Variants in FOXP1 observed in about 807,000 individuals in gnomAD.
The protein encoded by FOXP1 is forkhead box protein P1.
Under a neutral mutation model 98.2 loss-of-function variants are expected in FOXP1, and 15 were observed. The observed-to-expected ratio is 0.15, with a 90% CI of 0.10 to 0.24. The LOEUF is 0.24. FOXP1 is among the 10% of genes least tolerant of loss of function. The pLI, the probability that FOXP1 is intolerant of heterozygous loss-of-function variation, is 1.00. For synonymous variants in FOXP1, 371 were observed against 314.5 expected (o/e 1.18, Z -1.90); for missense variants, 633 against 848.5 (o/e 0.75, Z 3.15).
chr3:71,074,479 G>T (rs1478481331), intron 7 of FOXP1, among the ~76,000 whole-genome samples: 1 of 152,120 alleles, frequency 6.6e-6, no homozygotes, highest in Non-Finnish European at 1.5e-5. Flanking sequence ...CACCCACATA[G>T]GCCTTCCAAA....
intron 7 of FOXP1, among the ~76,000 whole-genome samples, chr3:71,057,405 T>C (rs2050828643): frequency 6.9e-6 from 1 of 145,244 alleles, no homozygotes; most frequent in African/African-American, 2.5e-5. Context: ...ACAGGGTTCA[T>C]GCCTTAACTG....
At chr3:71,349,260 C>G (rs1249438319) in intron 4 of FOXP1, among the ~76,000 whole-genome samples, 4 of 152,154 alleles carry the variant, frequency 2.6e-5, no homozygotes, top group Non-Finnish European at 4.4e-5. Flanking sequence ...AAAAAAATAA[C>G]TTAGCAGGAG....
chr3:70,985,687 T>C (rs2107464163), intron 14 of FOXP1, among the ~76,000 whole-genome samples: 1 of 152,212 alleles, frequency 6.6e-6, no homozygotes, highest in South Asian at 2.1e-4. Flanking sequence ...ACAAATGTGA[T>C]CTTTTTTTTT....
intron 3 of FOXP1, among the ~76,000 whole-genome samples, chr3:71,487,087 C>A (rs1465128927): frequency 1.3e-5 from 2 of 151,972 alleles, no homozygotes; most frequent in Non-Finnish European, 2.9e-5. Flanking sequence ...TATGTTAGAG[C>A]CTCAGTTGAT....
At chr3:71,126,512 AAT>A (rs1017927958) in intron 6 of FOXP1, among the ~76,000 whole-genome samples, 1 of 150,890 alleles carries the variant, frequency 6.6e-6, no homozygotes, top group Non-Finnish European at 1.5e-5. Flanking sequence ...AATAAATAAA[AAT>A]AAAAAGAAAA....
chr3:71,252,585 C>G (rs982766893), intron 5 of FOXP1, among the ~76,000 whole-genome samples: 1 of 152,178 alleles, frequency 6.6e-6, no homozygotes, highest in Non-Finnish European at 1.5e-5. Context: ...ATGCCTCAGG[C>G]CCCCTGAGTG....
In FOXP1 at chr3:71,583,626, C is replaced by A. The variant is rs1223992798; in HGVS notation, c.-502G>T. On this transcript the variant is annotated 5_prime_UTR_variant, in exon 1 of 21. Coordinates refer to ENST00000649528, the MANE Select transcript of FOXP1 (RefSeq NM_001349338.3). ...AGGTGTTTTCGGGCCTTTCCCCGCG[C>A]GCGCCCACTCCCGCCCGCGCGCGCA... is the stretch of plus-strand genomic sequence containing the variant. 7 of 984,206 alleles carry A rather than the reference C, an allele frequency of 7.1e-6. No homozygotes were observed. In the African/African-American group the frequency reaches 1.1e-4, roughly 15 times the overall value. 61.0% of individuals were successfully genotyped at this position (984,206 alleles called of 1,614,324 possible).
At chr3:71,043,631 T>C (rs926156483) in intron 10 of FOXP1, among the ~76,000 whole-genome samples, 6 of 152,208 alleles carry the variant, frequency 3.9e-5, no homozygotes, top group African/African-American at 1.2e-4. Flanking sequence ...TTTTATTTTC[T>C]AGAGAGTAAA....
chr3:71,169,695 G>A (rs1266448629), intron 6 of FOXP1, among the ~76,000 whole-genome samples: 1 of 150,712 alleles, frequency 6.6e-6, no homozygotes, highest in Admixed American at 6.6e-5. Flanking sequence ...TATAAAACAG[G>A]GTCTAAAATG....
At chr3:71,062,860 G>A (rs1259730027) in intron 7 of FOXP1, among the ~76,000 whole-genome samples, 1 of 152,018 alleles carries the variant, frequency 6.6e-6, no homozygotes, top group Non-Finnish European at 1.5e-5. Context: ...CTTAGACGCT[G>A]GTATTGACCC....
rs2048289708 is a variant in FOXP1, at chr3:71,041,196, T to G, written c.869+132A>C. ...TCACACCCAAACCATACTGAATACA[T>G]TCCTCAGTAATTATATGCACATTCA... On this transcript the variant is annotated intron_variant, in intron 11 of 20. Transcript: ENST00000649528. 3.9e-6 allele frequency: 3 copies of G among 767,610 alleles called. No homozygotes were observed. In the Admixed American group the frequency reaches 5.8e-5, roughly 15 times the overall value. The allele number at this position is 767,610 out of a possible 1,614,324, so 47.5% of individuals were successfully genotyped here. A position where few individuals can be genotyped will look rare whatever the true frequency, so the allele number is the denominator to read the frequency against.
chr3:71,126,156 T>C (rs1275129015), intron 6 of FOXP1, among the ~76,000 whole-genome samples: 1 of 152,202 alleles, frequency 6.6e-6, no homozygotes, highest in Non-Finnish European at 1.5e-5. Flanking sequence ...TCACCTGCAA[T>C]GACACATTGT....
At chr3:71,148,699 T>C (rs1185691674) in intron 6 of FOXP1, among the ~76,000 whole-genome samples, 2 of 152,238 alleles carry the variant, frequency 1.3e-5, no homozygotes, top group African/African-American at 2.4e-5. Context: ...AGAACTGTCC[T>C]TAATTTATGA....
At chr3:71,046,126 CTTCCT>C (rs1285988506) in intron 10 of FOXP1, among the ~76,000 whole-genome samples, 6 of 152,124 alleles carry the variant, frequency 3.9e-5, no homozygotes, top group Non-Finnish European at 8.8e-5. Flanking sequence ...TCCCTCCCAC[CTTCCT>C]TTCTAGTTCT....
At chr3:71,052,702 CTG>C (rs1041159096) in intron 8 of FOXP1, 76 bp from the exon 9 acceptor site, 1 of 835,742 alleles carries the variant, frequency 1.2e-6, no homozygotes, top group African/African-American at 1.7e-5. Context: ...CATACACAAA[CTG>C]TGATTTGAAA....
intron 4 of FOXP1, among the ~76,000 whole-genome samples, chr3:71,306,779 C>T (rs1164704037): frequency 6.6e-6 from 1 of 151,640 alleles, no homozygotes; most frequent in African/African-American, 2.4e-5. Flanking sequence ...CATTTAAAAA[C>T]ATTACCCCCA....
chr3:71,276,590 C>T (rs1283643480), intron 5 of FOXP1, among the ~76,000 whole-genome samples: 2 of 152,120 alleles, frequency 1.3e-5, no homozygotes, highest in East Asian at 3.9e-4. Flanking sequence ...ATTTTAACCC[C>T]TAAGTATATC....
intron 2 of FOXP1, among the ~76,000 whole-genome samples, chr3:71,496,464 G>A (rs1055045101): frequency 2.6e-5 from 4 of 152,218 alleles, no homozygotes; most frequent in Admixed American, 2.0e-4. Flanking sequence ...TCCTGTGGGA[G>A]TTTCGTTTTC....
intron 11 of FOXP1, among the ~76,000 whole-genome samples, chr3:71,025,340 C>T (rs1011021603): frequency 2.6e-5 from 4 of 151,944 alleles, no homozygotes; most frequent in African/African-American, 4.8e-5. Context: ...GGTGGGGTGG[C>T]GCACGACTAT....
Sources: allele counts gnomAD v4.1 joint callset (sites outside exome capture counted in the v4.1 genomes callset), GRCh38; gene constraint gnomAD v4.1.1; transcripts MANE v1.5; gene names NCBI Gene and HGNC (gene_info 2026-07-23, HGNC 2026-07-21).